DPYD: variants seen among roughly 807,000 people sequenced by gnomAD.
DPYD encodes the protein dihydropyrimidine dehydrogenase [NADP(+)].
A neutral mutation model predicts 116.2 loss-of-function variants in DPYD; 109 were observed. The observed-to-expected ratio is 0.94, with a 90% CI of 0.80 to 1.10. The LOEUF is 1.10. DPYD is among the 50% of genes least tolerant of loss of function. DPYD has a pLI of 0.00. For missense variants in DPYD, 1,302 were observed against 1,254.5 expected (o/e 1.04, Z -0.57); for synonymous variants, 440 against 432.0 (o/e 1.02, Z -0.23).
chr1:97,848,107 T>TG (rs1670394134), intron 2 of DPYD, among the ~76,000 whole-genome samples: 1 of 151,582 alleles, frequency 6.6e-6, no homozygotes, highest in African/African-American at 2.4e-5. Flanking sequence ...ATATCACTTC[T>TG]TTTTTTTTGA....
chr1:97,624,084 T>C (rs1656787627), intron 8 of DPYD, among the ~76,000 whole-genome samples: 1 of 151,980 alleles, frequency 6.6e-6, no homozygotes, highest in Non-Finnish European at 1.5e-5. Flanking sequence ...GTTTTGGATT[T>C]GATCCCAAAA....
In DPYD at chr1:97,082,042, G is replaced by A. The variant is rs985785816; in HGVS notation, c.2907+288C>T. On this transcript the variant is annotated intron_variant, in intron 22 of 22. Transcript: ENST00000370192. The stretch of plus-strand genomic sequence containing the variant: ...GCTTTCCTAGTATTCCTAATTTTGT[G>A]TGCATTTCTCTTTTCAGTTGGATTT... Among the ~76,000 whole-genome samples the A allele has an allele frequency of 2.0e-5, 3 of 151,954 alleles. No individual in the cohort carries two copies. In the East Asian group the frequency reaches 5.8e-4, roughly 29 times the overall value.
At chr1:97,206,646 A>ATGTG (rs10651231) in intron 19 of DPYD, among the ~76,000 whole-genome samples, 452 of 41,990 alleles carry the variant, frequency 0.011, 10 homozygotes, top group African/African-American at 0.09. Context: ...TTTTATATAT[A>ATGTG]TATATATATA....
chr1:97,546,800 A>G (rs1650901850), intron 12 of DPYD: 2 of 1,612,858 alleles, frequency 1.2e-6, no homozygotes, highest in African/African-American at 2.7e-5. Context: ...ATGGGTTTGG[A>G]TCAGATTAAA....
intron 16 of DPYD, among the ~76,000 whole-genome samples, chr1:97,320,013 C>G (rs1309982962): frequency 1.4e-5 from 2 of 140,136 alleles, no homozygotes; most frequent in Non-Finnish European, 3.2e-5. Context: ...GCAGAAAAGG[C>G]CTTTGACAAA....
At chr1:97,327,848 C>T (rs1488108372) in intron 16 of DPYD, among the ~76,000 whole-genome samples, 1 of 152,018 alleles carries the variant, frequency 6.6e-6, no homozygotes, top group Non-Finnish European at 1.5e-5. Context: ...ATAGGTGGTG[C>T]TCATACATTG....
At chr1:97,248,084 T>C (rs1662844008) in intron 18 of DPYD, among the ~76,000 whole-genome samples, 1 of 152,208 alleles carries the variant, frequency 6.6e-6, no homozygotes, top group South Asian at 2.1e-4. Context: ...CCAATATCCA[T>C]AGACTCAAAT....
intron 16 of DPYD, among the ~76,000 whole-genome samples, chr1:97,311,770 A>G (rs1189923485): frequency 6.6e-6 from 1 of 151,878 alleles, no homozygotes; most frequent in Non-Finnish European, 1.5e-5. Flanking sequence ...CACTAGAGCT[A>G]TATACAATGA....
chr1:97,285,960 A>T (rs1204454961), intron 18 of DPYD, among the ~76,000 whole-genome samples: 1 of 152,178 alleles, frequency 6.6e-6, no homozygotes, highest in African/African-American at 2.4e-5. Context: ...TGATCCTGTC[A>T]TTATGATGTT....
At chr1:97,696,662 CA>C (rs1661325113) in intron 6 of DPYD, among the ~76,000 whole-genome samples, 1 of 151,934 alleles carries the variant, frequency 6.6e-6, no homozygotes, top group Non-Finnish European at 1.5e-5. Context: ...AGTGGAAAGT[CA>C]GACAACATGA....
At chr1:97,747,725 A>G (rs1044468159) in intron 3 of DPYD, among the ~76,000 whole-genome samples, 1 of 152,216 alleles carries the variant, frequency 6.6e-6, no homozygotes, top group African/African-American at 2.4e-5. Flanking sequence ...GTGCTTGCTC[A>G]TCCAAGGCCT....
At chr1:97,840,976 G>GA (rs368300638) in intron 2 of DPYD, among the ~76,000 whole-genome samples, 1 of 151,938 alleles carries the variant, frequency 6.6e-6, no homozygotes, top group Non-Finnish European at 1.5e-5. Context: ...TCTCCATGAA[G>GA]AAAAAATGAT....
intron 3 of DPYD, among the ~76,000 whole-genome samples, chr1:97,753,219 T>C (rs1463447719): frequency 6.6e-6 from 1 of 152,206 alleles, no homozygotes; most frequent in Non-Finnish European, 1.5e-5. Context: ...GTTATTCTCA[T>C]TCTAAAGAAA....
chr1:97,608,460 T>C (rs904424537), intron 8 of DPYD, among the ~76,000 whole-genome samples: 2 of 151,820 alleles, frequency 1.3e-5, no homozygotes, highest in Non-Finnish European at 2.9e-5. Context: ...TTCTGACCTC[T>C]GAAACCAAAA....
intron 20 of DPYD, among the ~76,000 whole-genome samples, chr1:97,127,893 C>G (rs55663917): frequency 6.6e-6 from 1 of 152,086 alleles, no homozygotes; most frequent in Non-Finnish European, 1.5e-5. Flanking sequence ...CCATTATCTT[C>G]CACACACGGT....
At chr1:97,741,929 A>C (rs934112099) in intron 3 of DPYD, among the ~76,000 whole-genome samples, 3 of 152,172 alleles carry the variant, frequency 2.0e-5, no homozygotes, top group Non-Finnish European at 4.4e-5. Context: ...TTAGGAAAGC[A>C]AATGACAGTG....
chr1:97,407,908 C>A (rs1162663182), intron 14 of DPYD, among the ~76,000 whole-genome samples: 2 of 152,254 alleles, frequency 1.3e-5, no homozygotes, highest in East Asian at 3.9e-4. Context: ...AAGATTGCCA[C>A]CTGGCCATTT....
At chr1:97,450,634 TAA>T (rs910605585) in intron 13 of DPYD, among the ~76,000 whole-genome samples, 2 of 151,990 alleles carry the variant, frequency 1.3e-5, no homozygotes, top group African/African-American at 4.8e-5. Context: ...TTAATGTTAG[TAA>T]AAAGTTTATA....
chr1:97,102,492 T>TATCTATCTATCTATCC (rs1484174557), intron 20 of DPYD, among the ~76,000 whole-genome samples: 1 of 56,270 alleles, frequency 1.8e-5, no homozygotes, highest in African/African-American at 7.0e-5. Flanking sequence ...TCTATCTATC[T>TATCTATCTATCTATCC]ATCTCCTTTA....
Sources: allele counts gnomAD v4.1 joint callset (sites outside exome capture counted in the v4.1 genomes callset), GRCh38; gene constraint gnomAD v4.1.1; transcripts MANE v1.5; gene names NCBI Gene and HGNC (gene_info 2026-07-23, HGNC 2026-07-21).